MACROD2: variants seen among roughly 807,000 people sequenced by gnomAD.
The protein encoded by MACROD2 is mono-ADP ribosylhydrolase 2.
A neutral mutation model predicts 70.4 loss-of-function variants in MACROD2; 36 were observed. That is an observed-to-expected ratio of 0.51 (90% confidence interval 0.39 to 0.68). The LOEUF (loss-of-function observed/expected upper bound fraction) is 0.68, where lower values mean the gene tolerates loss of function less well. Ranked by LOEUF, MACROD2 falls within the 30% of genes least tolerant of loss-of-function variation. The pLI, the probability that MACROD2 is intolerant of heterozygous loss-of-function variation, is 0.00. For missense variants in MACROD2, 496 were observed against 538.4 expected, an observed-to-expected ratio of 0.92 and a Z score of 0.78; for synonymous variants, 172 against 178.8, an observed-to-expected ratio of 0.96 and a Z score of 0.30.
chr20:15,151,466 T>C (rs528016219), intron 5 of MACROD2, among the ~76,000 whole-genome samples: 3 of 152,230 alleles, frequency 2.0e-5, no homozygotes, highest in African/African-American at 4.8e-5. Flanking sequence ...TTGTACACCT[T>C]GAAGGTGAGG....
At chr20:14,391,462 G>A (rs998302059) in intron 3 of MACROD2, among the ~76,000 whole-genome samples, 3 of 151,970 alleles carry the variant, frequency 2.0e-5, no homozygotes, top group East Asian at 1.9e-4. Flanking sequence ...ACACACTGGG[G>A]CTAATCAGAA....
At chr20:15,192,666 A>G (rs924839175) in intron 5 of MACROD2, among the ~76,000 whole-genome samples, 2 of 152,148 alleles carry the variant, frequency 1.3e-5, no homozygotes, top group Non-Finnish European at 2.9e-5. Context: ...CTCTGTCTGT[A>G]TCTCACTCCA....
At chr20:14,461,827 A>C (rs1331305922) in intron 3 of MACROD2, among the ~76,000 whole-genome samples, 1 of 151,696 alleles carries the variant, frequency 6.6e-6, no homozygotes, top group Non-Finnish European at 1.5e-5. Flanking sequence ...TCTACAAAGG[A>C]TATGGCTGCA....
At chr20:15,481,510 C>T (rs1160190541) in intron 7 of MACROD2, among the ~76,000 whole-genome samples, 1 of 152,012 alleles carries the variant, frequency 6.6e-6, no homozygotes, top group Non-Finnish European at 1.5e-5. Context: ...TGTTTACCTA[C>T]ACATGTACAC....
At chr20:14,124,825 A>G (rs1361187147) in intron 3 of MACROD2, among the ~76,000 whole-genome samples, 3 of 152,156 alleles carry the variant, frequency 2.0e-5, no homozygotes, top group Admixed American at 6.6e-5. Context: ...AATTAAAAAC[A>G]TATGTTTTCG....
intron 2 of MACROD2, among the ~76,000 whole-genome samples, chr20:14,081,977 A>C (rs1205698111): frequency 6.6e-6 from 1 of 152,128 alleles, no homozygotes; most frequent in African/African-American, 2.4e-5. Flanking sequence ...GACCATTTTG[A>C]GTAACTTATT....
At chr20:14,107,172 C>T (rs2054380269) in intron 3 of MACROD2, among the ~76,000 whole-genome samples, 1 of 152,130 alleles carries the variant, frequency 6.6e-6, no homozygotes. Flanking sequence ...ATTCAAAATT[C>T]TATCAGAGAA....
intron 5 of MACROD2, among the ~76,000 whole-genome samples, chr20:15,037,734 T>A (rs2075324665): frequency 6.6e-6 from 1 of 152,134 alleles, no homozygotes; most frequent in Non-Finnish European, 1.5e-5. Flanking sequence ...AAATTTTAGT[T>A]TTACCATGTA....
intron 8 of MACROD2, among the ~76,000 whole-genome samples, chr20:15,542,856 T>C (rs2047975684): frequency 6.6e-6 from 1 of 152,278 alleles, no homozygotes; most frequent in Admixed American, 6.5e-5. Context: ...GGACTTGATA[T>C]TGGAGATCAC....
intron 3 of MACROD2, among the ~76,000 whole-genome samples, chr20:14,383,282 C>T (rs950819567): frequency 6.7e-6 from 1 of 148,760 alleles, no homozygotes; most frequent in African/African-American, 2.5e-5. Context: ...ATTTTTAGAG[C>T]AGTAATTTGT....
chr20:15,229,989 C>A lies in MACROD2; in HGVS notation c.468C>A (p.Ser156=), dbSNP rs1351570867. The change falls in exon 6 of 18, where the codon TCC becomes TCA. Residue 156 remains serine (S), a synonymous_variant. Coordinates refer to ENST00000684519, the MANE Select transcript of MACROD2 (RefSeq NM_001351661.2). ...TAGCCAGGGGCCATATTAATGGTTC[C>A]CACAAGGAAGACCTTGCAAATTGCT... The part of the protein sequence containing the change: ...GPIARGHING[S]HKEDLANCYK... 1 of 1,613,686 alleles carries A rather than the reference C, an allele frequency of 6.2e-7. No individual in the cohort carries two copies. The highest frequency in any genetic ancestry group is 1.7e-5 in the Admixed American group (1 of 60,014).
intron 4 of MACROD2, among the ~76,000 whole-genome samples, chr20:14,579,591 C>T (rs1212381279): frequency 6.6e-6 from 1 of 152,122 alleles, no homozygotes; most frequent in Non-Finnish European, 1.5e-5. Context: ...TTGATTATCA[C>T]ATTTTGTTCT....
chr20:15,516,307 G>C (rs1170638857), intron 8 of MACROD2, among the ~76,000 whole-genome samples: 1 of 152,064 alleles, frequency 6.6e-6, no homozygotes, highest in Non-Finnish European at 1.5e-5. Context: ...CAAAAAAAAT[G>C]TTGGCAGCTT....
At chr20:15,750,423 G>T (rs1002366254) in intron 8 of MACROD2, among the ~76,000 whole-genome samples, 1 of 151,840 alleles carries the variant, frequency 6.6e-6, no homozygotes, top group Admixed American at 6.6e-5. Context: ...TCGAGAAAAC[G>T]TAGTTTTCAT....
At chr20:14,110,132 A>T (rs2054429222) in intron 3 of MACROD2, among the ~76,000 whole-genome samples, 2 of 151,982 alleles carry the variant, frequency 1.3e-5, no homozygotes, top group Non-Finnish European at 2.9e-5. Context: ...AAACCGTATG[A>T]TCATTTAAAT....
intron 8 of MACROD2, among the ~76,000 whole-genome samples, chr20:15,594,284 T>A (rs2048717078): frequency 6.6e-6 from 1 of 152,210 alleles, no homozygotes; most frequent in Non-Finnish European, 1.5e-5. Flanking sequence ...AAAGGCCTAT[T>A]TGTGTTGCTG....
chr20:15,587,104 A>G (rs1304000535), intron 8 of MACROD2, among the ~76,000 whole-genome samples: 1 of 152,212 alleles, frequency 6.6e-6, no homozygotes, highest in Admixed American at 6.5e-5. Context: ...GAAAACGTTT[A>G]ATTGGACTTA....
chr20:15,358,051 G>A (rs985406371), intron 6 of MACROD2, among the ~76,000 whole-genome samples: 10 of 151,814 alleles, frequency 6.6e-5, no homozygotes, highest in African/African-American at 1.5e-4. Context: ...CGCGTGATCC[G>A]CCCGCTTTGG....
chr20:15,035,086 G>A (rs2075303306), intron 5 of MACROD2, among the ~76,000 whole-genome samples: 2 of 152,100 alleles, frequency 1.3e-5, no homozygotes, highest in Non-Finnish European at 2.9e-5. Context: ...TACCACCACT[G>A]AATATTATTT....
Sources: allele counts gnomAD v4.1 joint callset (sites outside exome capture counted in the v4.1 genomes callset), GRCh38; gene constraint gnomAD v4.1.1; transcripts MANE v1.5; gene names NCBI Gene and HGNC (gene_info 2026-07-23, HGNC 2026-07-21).